VPS36: variants seen among roughly 807,000 people sequenced by gnomAD.
VPS36 encodes the protein vacuolar protein-sorting-associated protein 36.
VPS36 carries 31 observed loss-of-function variants against 63.5 expected under a neutral mutation model. The ratio of observed to expected loss-of-function variants is 0.49; its 90% confidence interval spans 0.37 to 0.66. The LOEUF (loss-of-function observed/expected upper bound fraction) is 0.66. Among genes scored for constraint, VPS36 ranks in the 30% least tolerant of loss-of-function variants. The pLI, the probability that VPS36 is intolerant of heterozygous loss-of-function variation, is 0.00. For synonymous variants in VPS36, 138 were observed against 157.2 expected (o/e 0.88, Z 0.91); for missense variants, 338 against 463.7 (o/e 0.73, Z 2.49).
In VPS36 at chr13:52,448,426, G is replaced by A. The variant is rs1958366872; in HGVS notation, c.96+2073C>T. Among the ~76,000 whole-genome samples the A allele has an allele frequency of 2.0e-5, 3 of 152,320 alleles. No individual in the cohort carries two copies. The South Asian group carries it at 6.2e-4, about 32-fold the overall frequency. ...CATTCAGCCTAGGGACCGCATAGCT[G>A]CAAGGCAGCTCAGCAAGTCACTAAG... On this transcript the variant is annotated intron_variant, in intron 1 of 13. Transcript: ENST00000378060.
chr13:52,427,868 G>GT (rs1426812178), intron 6 of VPS36, among the ~76,000 whole-genome samples: 1 of 152,072 alleles, frequency 6.6e-6, no homozygotes, highest in Non-Finnish European at 1.5e-5. Flanking sequence ...ACTGTCACTG[G>GT]TTTTTTCTAA....
chr13:52,442,243 C>T (rs1401462451), intron 2 of VPS36, 134 bp downstream of exon 2: 8 of 624,034 alleles, frequency 1.3e-5, no homozygotes, highest in Non-Finnish European at 1.5e-5. Context: ...CCCGGCTACT[C>T]GGGAGGTTGA....
At chr13:52,420,990 AC>A (rs1424232026) in intron 10 of VPS36, among the ~76,000 whole-genome samples, 1 of 152,090 alleles carries the variant, frequency 6.6e-6, no homozygotes, top group Non-Finnish European at 1.5e-5. Flanking sequence ...GTGTGGTGGC[AC>A]ACGGCTGTAA....
In VPS36 at chr13:52,418,053, G is replaced by C. The variant is rs753095007; in HGVS notation, c.844C>G (p.Leu282Val). ...GCATTCACTAAATCTTCTGGTGAGAGCAACTAATAGGGAAAAAAAATCCAG... is the reference window on the plus strand; with the variant it reads ...GCATTCACTAAATCTTCTGGTGAGACCAACTAATAGGGAAAAAAAATCCAG... ...LVNRARGMELLSPEDLVNACK... is the reference protein window; with the variant it reads ...LVNRARGMELVSPEDLVNACK... Residue 282 changes from leucine to valine, a missense_variant, in exon 11 of 14, where the codon CTC becomes GTC. By Grantham distance (32) the Leu-to-Val change is conservative. Transcript: ENST00000378060. 2 of 1,610,322 alleles carry C rather than the reference G, an allele frequency of 1.2e-6. No individual in the cohort carries two copies. Among genetic ancestry groups the C allele is most frequent in the Admixed American group, 3.4e-5 (2 of 59,506 alleles).
At chr13:52,425,485 G>T (rs902213160) in intron 9 of VPS36, among the ~76,000 whole-genome samples, 1 of 152,028 alleles carries the variant, frequency 6.6e-6, no homozygotes, top group Non-Finnish European at 1.5e-5. Context: ...GGCCACAGAG[G>T]ATTCATTATA....
At position 52,415,790 on chromosome 13, in the gene VPS36, C is replaced by T. The variant is rs554676994; in HGVS notation, c.*40G>A. On this transcript the variant is annotated 3_prime_UTR_variant, in exon 14 of 14. Transcript: ENST00000378060. ...TCAATGTCATACAACCTCTACATGA[C>T]GCAAGCATATGGACAAAAAGGATTT... 7.9e-5 allele frequency: 125 copies of T among 1,588,054 alleles called. No individual in the cohort carries two copies. The East Asian group carries it at 1.3e-3, about 16-fold the overall frequency.
chr13:52,441,683 C>T (rs1487757833), intron 2 of VPS36, among the ~76,000 whole-genome samples: 1 of 151,776 alleles, frequency 6.6e-6, no homozygotes, highest in Non-Finnish European at 1.5e-5. Flanking sequence ...ACCTGGGAGG[C>T]GGAGGTTGCA....
At chr13:52,439,203 T>C in intron 2 of VPS36, 35 bp from the exon 3 acceptor site, 2 of 1,583,026 alleles carry the variant, frequency 1.3e-6, no homozygotes, top group South Asian at 1.1e-5. Context: ...TGAAAGACTC[T>C]AAACAACATC....
chr13:52,421,583 G>A (rs904316329), intron 10 of VPS36, among the ~76,000 whole-genome samples: 4 of 146,900 alleles, frequency 2.7e-5, no homozygotes, highest in African/African-American at 7.6e-5. Context: ...GTGCAATGGC[G>A]CAATCTCGGC....
chr13:52,430,718 G>A (rs372055875), intron 6 of VPS36, among the ~76,000 whole-genome samples: 8 of 151,742 alleles, frequency 5.3e-5, no homozygotes, highest in Non-Finnish European at 7.4e-5. Context: ...AGCACAGCAC[G>A]CACCTAAGAA....
At chr13:52,426,955 G>T in intron 8 of VPS36, 34 bp downstream of exon 8, 2 of 1,511,720 alleles carry the variant, frequency 1.3e-6, no homozygotes, top group Non-Finnish European at 9.1e-7. Context: ...GTGTTATCTA[G>T]TTTCAAATGC....
rs760238514 is a variant in VPS36, at chr13:52,442,410, T to G, written c.132A>C (p.Thr44=). The change falls in exon 2 of 14, where the codon ACA becomes ACC. Residue 44 remains threonine, a synonymous_variant. Transcript: ENST00000378060. ...KFDAGTLLLS[T]HRLIWRDQKN... ...TCTGATCTCTCCAAATCAGTCGGTG[T>G]GTACTAAGAAGGAGAGTCCCAGCAT... 6.2e-7 allele frequency: 1 copy of G among 1,612,636 alleles called. No individual in the cohort carries two copies. Among genetic ancestry groups the G allele is most frequent in the Admixed American group, 1.7e-5 (1 of 59,660 alleles).
At chr13:52,448,833 G>A (rs1958370673) in intron 1 of VPS36, among the ~76,000 whole-genome samples, 1 of 152,212 alleles carries the variant, frequency 6.6e-6, no homozygotes, top group Non-Finnish European at 1.5e-5. Flanking sequence ...CCCTCAGGGA[G>A]TGGCACTGGA....
rs192823035 is a variant in VPS36, at chr13:52,449,766, A to G, written c.96+733T>C. On this transcript the variant is annotated intron_variant, in intron 1 of 13. Transcript: ENST00000378060. ...CTTACACTTCCTATTTCTCCTCTCG[A>G]TTTGCAAACGCACCTTCTAAGATTT... Among the ~76,000 whole-genome samples, 83 of 152,328 alleles carry G rather than the reference A, an allele frequency of 5.4e-4. No individual in the cohort carries two copies. In the East Asian group the frequency reaches 0.015, roughly 28 times the overall value.
chr13:52,443,230 G>T (rs117402282), intron 1 of VPS36, among the ~76,000 whole-genome samples: 4,076 of 152,198 alleles, frequency 0.027, 79 homozygotes, highest in Non-Finnish European at 0.044. Flanking sequence ...AAAATCATGA[G>T]ATAATTTTTA....
intron 6 of VPS36, among the ~76,000 whole-genome samples, chr13:52,428,688 C>T (rs886377616): frequency 6.6e-6 from 1 of 152,136 alleles, no homozygotes; most frequent in African/African-American, 2.4e-5. Context: ...AAATAAAACA[C>T]ACATTTTGCA....
rs867642870 is a variant in VPS36, at chr13:52,423,610, C to T, written c.804G>A (p.Glu268=). 9 of 1,611,622 alleles carry T rather than the reference C, an allele frequency of 5.6e-6. No individual in the cohort carries two copies. Among genetic ancestry groups the T allele is most frequent in the Middle Eastern group, 1.6e-4 (1 of 6,080 alleles). The part of the protein sequence containing the change: ...EERGGIMSLT[E]VYCLVNRARG... ...GAGCTCGGTTTACTAAGCAGTACAC[C>T]TCCGTGAGTGACATTATTCCCCCTC... Residue 268 remains glutamate (E), a synonymous_variant, in exon 10 of 14, where the codon GAG becomes GAA. Transcript: ENST00000378060.
chr13:52,439,541 G>A (rs1958253159), intron 2 of VPS36, among the ~76,000 whole-genome samples: 1 of 151,982 alleles, frequency 6.6e-6, no homozygotes, highest in African/African-American at 2.4e-5. Flanking sequence ...TGCCTCCTGG[G>A]TTAACACCAT....
chr13:52,419,601 T>A (rs1214053506), intron 10 of VPS36, among the ~76,000 whole-genome samples: 1 of 152,174 alleles, frequency 6.6e-6, no homozygotes, highest in African/African-American at 2.4e-5. Flanking sequence ...CTCAAAAAAC[T>A]GTAAATAGAA....
Sources: allele counts gnomAD v4.1 joint callset (sites outside exome capture counted in the v4.1 genomes callset), GRCh38; gene constraint gnomAD v4.1.1; transcripts MANE v1.5; gene names NCBI Gene and HGNC (gene_info 2026-07-23, HGNC 2026-07-21).